The following SHISA6 variants were observed in gnomAD, a reference collection of about 807,000 sequenced individuals.
The protein encoded by SHISA6 is shisa family member 6, also known as protein shisa-6.
In SHISA6, 22 loss-of-function variants were observed where a neutral mutation model predicts 47.9. That is an observed-to-expected ratio of 0.46 (90% CI 0.33 to 0.66). The LOEUF (loss-of-function observed/expected upper bound fraction) is 0.66. Among genes scored for constraint, SHISA6 ranks in the 30% least tolerant of loss-of-function variants. The pLI is 0.02. For synonymous variants in SHISA6, 388 were observed against 337.8 expected, an observed-to-expected ratio of 1.15 and a Z score of -1.63; for missense variants, 680 against 764.6, an observed-to-expected ratio of 0.89 and a Z score of 1.30.
At chr17:11,489,932 A>G (rs1203984146) in intron 3 of SHISA6, among the ~76,000 whole-genome samples, 5 of 152,240 alleles carry the variant, frequency 3.3e-5, no homozygotes, top group Non-Finnish European at 7.3e-5. Context: ...AGTACTGCCC[A>G]GGCTGAGAAA....
intron 5 of SHISA6, 137 bp downstream of exon 5, chr17:11,556,029 A>C (rs1449907770): frequency 2.6e-6 from 3 of 1,156,986 alleles, no homozygotes; most frequent in African/African-American, 3.1e-5. Context: ...GGATGAGAGA[A>C]GAGAATAGAC....
At chr17:11,500,155 C>G (rs774692986) in intron 3 of SHISA6, among the ~76,000 whole-genome samples, 7 of 152,184 alleles carry the variant, frequency 4.6e-5, no homozygotes, top group Non-Finnish European at 1.0e-4. Flanking sequence ...GGAATCTGAC[C>G]TCCTGCCATA....
chr17:11,496,093 A>C (rs930914069), intron 3 of SHISA6, among the ~76,000 whole-genome samples: 2 of 152,162 alleles, frequency 1.3e-5, no homozygotes, highest in Admixed American at 1.3e-4. Flanking sequence ...CTGCTGTCTT[A>C]GTACCCAGAG....
intron 2 of SHISA6, among the ~76,000 whole-genome samples, chr17:11,373,000 A>G (rs908360171): frequency 6.6e-6 from 1 of 151,756 alleles, no homozygotes; most frequent in African/African-American, 2.4e-5. Context: ...GGGCAACTCC[A>G]GTATCATTTA....
At chr17:11,313,707 G>T (rs777162213) in intron 2 of SHISA6, among the ~76,000 whole-genome samples, 1 of 152,086 alleles carries the variant, frequency 6.6e-6, no homozygotes, top group Non-Finnish European at 1.5e-5. Context: ...CTGACAACTG[G>T]GAAATTGAGG....
At chr17:11,395,230 A>C (rs1177580481) in intron 3 of SHISA6, among the ~76,000 whole-genome samples, 1 of 151,344 alleles carries the variant, frequency 6.6e-6, no homozygotes, top group Non-Finnish European at 1.5e-5. Flanking sequence ...CATAATCTAA[A>C]GTGTTTATTC....
intron 3 of SHISA6, among the ~76,000 whole-genome samples, chr17:11,440,640 AGATGAGCAAACG>A (rs1915070593): frequency 1.4e-5 from 2 of 147,940 alleles, no homozygotes; most frequent in South Asian, 4.3e-4. Context: ...CATCCAATGT[AGATGAGCAAACG>A]GATGCTTAGA....
chr17:11,324,162 G>C (rs1311163358), intron 2 of SHISA6, among the ~76,000 whole-genome samples: 1 of 152,064 alleles, frequency 6.6e-6, no homozygotes, highest in African/African-American at 2.4e-5. Context: ...CTCAGCTTTG[G>C]TGCCGCGTTT....
chr17:11,271,628 T>G (rs1908667430), intron 2 of SHISA6, among the ~76,000 whole-genome samples: 1 of 65,958 alleles, frequency 1.5e-5, no homozygotes, highest in African/African-American at 3.8e-5. Context: ...TTTTTTTTTT[T>G]TTTGTATTTT....
At chr17:11,284,784 C>T (rs540708658) in intron 2 of SHISA6, among the ~76,000 whole-genome samples, 23 of 152,226 alleles carry the variant, frequency 1.5e-4, no homozygotes, top group African/African-American at 5.3e-4. Context: ...GGCATGAATC[C>T]TACTTAAACT....
chr17:11,469,874 T>A (rs1413138089), intron 3 of SHISA6, among the ~76,000 whole-genome samples: 2 of 152,218 alleles, frequency 1.3e-5, no homozygotes, highest in African/African-American at 4.8e-5. Context: ...GTTGAAGCCC[T>A]TACCTTCAAT....
chr17:11,380,876 C>T (rs750101704), intron 3 of SHISA6, among the ~76,000 whole-genome samples: 38 of 152,100 alleles, frequency 2.5e-4, no homozygotes, highest in South Asian at 6.2e-4. Flanking sequence ...AGTTCCTCCC[C>T]GTGACATTCT....
At chr17:11,490,409 C>A (rs1240142383) in intron 3 of SHISA6, among the ~76,000 whole-genome samples, 1 of 152,130 alleles carries the variant, frequency 6.6e-6, no homozygotes, top group African/African-American at 2.4e-5. Flanking sequence ...GGACAGAATT[C>A]TCCTGCCGAT....
chr17:11,407,815 A>G (rs1459830451), intron 3 of SHISA6, among the ~76,000 whole-genome samples: 1 of 152,160 alleles, frequency 6.6e-6, no homozygotes, highest in Non-Finnish European at 1.5e-5. Context: ...GATGTGGTCC[A>G]ACCCCTTGGC....
chr17:11,486,387 T>A (rs567508876), intron 3 of SHISA6, among the ~76,000 whole-genome samples: 202 of 152,276 alleles, frequency 1.3e-3, no homozygotes, highest in African/African-American at 4.6e-3. Context: ...GGGACCCGGG[T>A]CTCTTTGCTC....
At chr17:11,273,987 T>C (rs565130711) in intron 2 of SHISA6, among the ~76,000 whole-genome samples, 70 of 152,360 alleles carry the variant, frequency 4.6e-4, no homozygotes, top group Middle Eastern at 6.8e-3. Flanking sequence ...AAGTGGCTTT[T>C]CTCAGCATAG....
intron 1 of SHISA6, among the ~76,000 whole-genome samples, chr17:11,246,933 C>G (rs1197319354): frequency 1.3e-5 from 2 of 152,178 alleles, no homozygotes; most frequent in Non-Finnish European, 2.9e-5. Flanking sequence ...TGCTCACTGT[C>G]TTCATGTCCC....
intron 3 of SHISA6, among the ~76,000 whole-genome samples, chr17:11,448,560 GTCTCA>G (rs1300793963): frequency 6.6e-6 from 1 of 152,108 alleles, no homozygotes; most frequent in East Asian, 1.9e-4. Flanking sequence ...TGGGCGTGGT[GTCTCA>G]CACCTATAAT....
intron 2 of SHISA6, among the ~76,000 whole-genome samples, chr17:11,303,249 T>G (rs1206321126): frequency 6.6e-6 from 1 of 151,510 alleles, no homozygotes; most frequent in Non-Finnish European, 1.5e-5. Context: ...GTGAGTGTGG[T>G]TGTGTGATTG....
Sources: gnomAD v4.1 joint callset for allele counts (sites outside exome capture counted in the v4.1 genomes callset) on GRCh38, gnomAD v4.1.1 for gene constraint, MANE v1.5 for transcripts, NCBI Gene and HGNC (gene_info 2026-07-23, HGNC 2026-07-21) for gene names.